Variants in TUB observed in about 807,000 individuals in gnomAD.
TUB encodes the protein TUB bipartite transcription factor, also known as tubby protein homolog.
TUB carries 33 observed loss-of-function variants against 59.7 expected under a neutral mutation model. That is an observed-to-expected ratio of 0.55 (90% CI 0.42 to 0.74). TUB has a LOEUF of 0.74. Ranked by LOEUF, TUB falls within the 30% of genes least tolerant of loss-of-function variation. The pLI is 0.00. For synonymous variants in TUB, 293 were observed against 256.4 expected (o/e 1.14, Z -1.36); for missense variants, 659 against 672.0 (o/e 0.98, Z 0.21).
At chr11:8,042,857 T>C (rs1564900307) in intron 2 of TUB, among the ~76,000 whole-genome samples, 2 of 152,214 alleles carry the variant, frequency 1.3e-5, no homozygotes, top group South Asian at 4.1e-4. Flanking sequence ...TTATCAGATA[T>C]ATGGTTTGCA....
intron 3 of TUB, 103 bp downstream of exon 3, chr11:8,090,334 G>A: frequency 7.0e-7 from 1 of 1,437,132 alleles, no homozygotes; most frequent in Non-Finnish European, 9.4e-7. Context: ...GGGATGCCCA[G>A]GCTGTGTATG....
At chr11:8,027,827 A>T (rs1942520249) in intron 1 of TUB, among the ~76,000 whole-genome samples, 1 of 152,140 alleles carries the variant, frequency 6.6e-6, no homozygotes, top group Non-Finnish European at 1.5e-5. Flanking sequence ...CATTTTGTTT[A>T]TACATTCATC....
chr11:8,102,601 C>CT lies in TUB; in HGVS notation c.*982_*983insT, dbSNP rs1944354236. The CT allele has an allele frequency of 6.6e-6, 1 of 151,066 alleles. No homozygotes were observed. 9.4% of individuals were successfully genotyped at this position (151,066 alleles called of 1,614,324 possible). On this transcript the variant is annotated 3_prime_UTR_variant, in exon 12 of 12. Coordinates refer to ENST00000299506, the MANE Select transcript of TUB (RefSeq NM_177972.3). ...ATGGCATGCTCCTTGAAGAATCTCT[C>CT]CTCTCTCTCTCTCTCTGGAAAGACC... is the stretch of plus-strand genomic sequence containing the variant.
chr11:8,085,114 T>A (rs1372618620), intron 1 of TUB, among the ~76,000 whole-genome samples: 1 of 152,150 alleles, frequency 6.6e-6, no homozygotes, highest in Non-Finnish European at 1.5e-5. Context: ...GCCTCCGAGG[T>A]GCCCTGGGCA....
intron 2 of TUB, among the ~76,000 whole-genome samples, chr11:8,066,744 T>C (rs1005495686): frequency 6.6e-6 from 1 of 152,148 alleles, no homozygotes; most frequent in African/African-American, 2.4e-5. Flanking sequence ...GTGTAATAAC[T>C]GCGGGTGTTT....
In TUB at chr11:8,038,941, C is replaced by T. The variant is rs769370706; in HGVS notation, c.68C>T (p.Pro23Leu). The change falls in exon 1 of 13, where the codon CCA (proline) becomes CTA (leucine). Residue 23 changes from proline to leucine, a missense_variant. Pro to Leu is a moderately conservative substitution (Grantham distance 98). Coordinates refer to the TUB transcript ENST00000305253. The stretch of plus-strand genomic sequence containing the variant: ...TTTGCCGAGACAGGGATTTTGTTCC[C>T]AGGAGGCACTCCCTGGCCCATGGGA... The T allele has an allele frequency of 1.8e-5, 29 of 1,613,948 alleles. No homozygotes were observed. In the South Asian group the frequency reaches 2.6e-4, roughly 15 times the overall value.
chr11:8,072,417 C>T (rs1001244978), intron 2 of TUB, among the ~76,000 whole-genome samples: 4 of 152,200 alleles, frequency 2.6e-5, no homozygotes, highest in African/African-American at 2.4e-5. Context: ...ATGCCACAGG[C>T]TTGGTGAGGC....
In TUB at chr11:8,101,908, G is replaced by T; in HGVS notation, c.*289G>T. Reference sequence around the variant, plus strand: ...CTTGGGGTAGTAGTGTGTTGTAGTCGTACTTACCAAGCTGAGCAACCTCTT... The same window carrying T: ...CTTGGGGTAGTAGTGTGTTGTAGTCTTACTTACCAAGCTGAGCAACCTCTT... On this transcript the variant is annotated 3_prime_UTR_variant, in exon 12 of 12. Transcript: ENST00000299506. The T allele has an allele frequency of 2.5e-6, 1 of 399,394 alleles. No homozygotes were observed. Among genetic ancestry groups the T allele is most frequent in the Non-Finnish European group, 4.5e-6 (1 of 221,960 alleles). 24.7% of individuals were successfully genotyped at this position (399,394 alleles called of 1,614,324 possible). A position where few individuals can be genotyped will look rare whatever the true frequency, so the allele number is the denominator to read the frequency against.
intron 1 of TUB, among the ~76,000 whole-genome samples, chr11:8,088,116 G>C (rs1301429584): frequency 2.6e-5 from 4 of 152,226 alleles, no homozygotes; most frequent in Non-Finnish European, 5.9e-5. Context: ...CACAGCCCCA[G>C]ATCACAGCTG....
chr11:8,026,051 C>T (rs368099375), intron 1 of TUB, among the ~76,000 whole-genome samples: 2 of 152,138 alleles, frequency 1.3e-5, no homozygotes, highest in African/African-American at 4.8e-5. Context: ...TTTGCATTGC[C>T]TTGATGACTA....
At chr11:8,092,835 C>A (rs190446344) in intron 3 of TUB, among the ~76,000 whole-genome samples, 1 of 152,160 alleles carries the variant, frequency 6.6e-6, no homozygotes, top group Non-Finnish European at 1.5e-5. Context: ...TGTCTGCCCT[C>A]TACTGGCTAC....
chr11:8,082,750 A>G (rs1044623918), intron 1 of TUB, among the ~76,000 whole-genome samples: 1 of 152,180 alleles, frequency 6.6e-6, no homozygotes, highest in Admixed American at 6.5e-5. Flanking sequence ...GAAACCGCCC[A>G]AGGCTTCTTA....
At chr11:8,095,769 G>A (rs1015805956) in intron 5 of TUB, 104 bp downstream of exon 5, 9 of 1,250,174 alleles carry the variant, frequency 7.2e-6, no homozygotes, top group African/African-American at 4.5e-5. Flanking sequence ...ACCCCTCCCT[G>A]GCAATGGTGG....
chr11:8,082,517 C>T (rs1943588170), intron 1 of TUB, among the ~76,000 whole-genome samples: 1 of 152,204 alleles, frequency 6.6e-6, no homozygotes. Flanking sequence ...CCATGGGCTA[C>T]GGGGCTGTCT....
chr11:8,062,402 G>T (rs1377792684), intron 2 of TUB, among the ~76,000 whole-genome samples: 2 of 152,104 alleles, frequency 1.3e-5, no homozygotes, highest in Non-Finnish European at 2.9e-5. Context: ...CTGAGGCGGA[G>T]GCTGGCTCTT....
At chr11:8,085,458 T>G (rs1035047324) in intron 1 of TUB, among the ~76,000 whole-genome samples, 10 of 152,220 alleles carry the variant, frequency 6.6e-5, no homozygotes, top group African/African-American at 2.4e-4. Flanking sequence ...GGAGCTGCAC[T>G]GGTTCCCACT....
At chr11:8,063,562 C>T (rs762769938) in intron 2 of TUB, among the ~76,000 whole-genome samples, 1 of 152,156 alleles carries the variant, frequency 6.6e-6, no homozygotes, top group Non-Finnish European at 1.5e-5. Context: ...GTAAAGCATC[C>T]GGGAGTGTTC....
intron 2 of TUB, among the ~76,000 whole-genome samples, chr11:8,056,703 C>T (rs550580375): frequency 6.6e-6 from 1 of 151,998 alleles, no homozygotes; most frequent in East Asian, 1.9e-4. Context: ...TGTGGAGTGT[C>T]TGAGGTGATG....
intron 3 of TUB, among the ~76,000 whole-genome samples, chr11:8,091,385 T>C (rs1429500232): frequency 6.6e-6 from 1 of 152,202 alleles, no homozygotes; most frequent in Admixed American, 6.5e-5. Flanking sequence ...AAAGGCTGGC[T>C]GTACATCTGC....
Sources: allele counts gnomAD v4.1 joint callset (sites outside exome capture counted in the v4.1 genomes callset), GRCh38; gene constraint gnomAD v4.1.1; transcripts MANE v1.5; gene names NCBI Gene and HGNC (gene_info 2026-07-23, HGNC 2026-07-21).